AKT3: variants seen among roughly 807,000 people sequenced by gnomAD.
AKT3 encodes RAC-gamma serine/threonine-protein kinase.
A neutral mutation model predicts 65.3 loss-of-function variants in AKT3; 15 were observed. The observed-to-expected ratio is 0.23, with a 90% CI of 0.15 to 0.35. AKT3 has a LOEUF of 0.35. Among genes scored for constraint, AKT3 ranks in the 10% least tolerant of loss-of-function variants. AKT3 has a pLI of 1.00. For synonymous variants in AKT3, 206 were observed against 183.8 expected (o/e 1.12, Z -0.98); for missense variants, 243 against 576.5 (o/e 0.42, Z 5.92).
chr1:243,555,473 C>T (rs1011820898), intron 10 of AKT3, among the ~76,000 whole-genome samples: 18 of 152,108 alleles, frequency 1.2e-4, no homozygotes, highest in Non-Finnish European at 2.2e-4. Flanking sequence ...TTAACCAATT[C>T]GAATCCAATA....
intron 8 of AKT3, among the ~76,000 whole-genome samples, chr1:243,577,813 G>T (rs1574641161): frequency 6.6e-6 from 1 of 151,808 alleles, no homozygotes; most frequent in Admixed American, 6.6e-5. Context: ...AATATCCAGA[G>T]TCTACAAGGA....
chr1:243,660,287 T>C (rs1291631415), intron 4 of AKT3, among the ~76,000 whole-genome samples: 2 of 152,208 alleles, frequency 1.3e-5, no homozygotes, highest in Non-Finnish European at 2.9e-5. Flanking sequence ...TGTAGTATTC[T>C]CTGAGGGTAG....
At chr1:243,590,396 CAAG>C (rs1676141267) in intron 8 of AKT3, among the ~76,000 whole-genome samples, 2 of 150,682 alleles carry the variant, frequency 1.3e-5, no homozygotes, top group South Asian at 4.3e-4. Flanking sequence ...TCAATAAAGC[CAAG>C]AAGAAATAAA....
intron 13 of AKT3, among the ~76,000 whole-genome samples, chr1:243,490,757 C>T (rs1666210352): frequency 6.6e-6 from 1 of 152,202 alleles, no homozygotes. Flanking sequence ...TCAGGGAAGG[C>T]AGAGGCCTGC....
At chr1:243,842,611 G>A (rs1350077051) in intron 2 of AKT3, among the ~76,000 whole-genome samples, 1 of 152,072 alleles carries the variant, frequency 6.6e-6, no homozygotes, top group Non-Finnish European at 1.5e-5. Flanking sequence ...AAAAATCCTT[G>A]TCCTCATTTG....
At chr1:243,492,839 T>C (rs59326541) in intron 13 of AKT3, among the ~76,000 whole-genome samples, 2,093 of 152,148 alleles carry the variant, frequency 0.014, 47 homozygotes, top group African/African-American at 0.048. Context: ...ACTCCTGACC[T>C]CAGGTGATCT....
At chr1:243,707,118 T>A (rs1267271643) in intron 2 of AKT3, among the ~76,000 whole-genome samples, 8 of 152,178 alleles carry the variant, frequency 5.3e-5, no homozygotes, top group Non-Finnish European at 1.5e-5. Flanking sequence ...TATGTAAGCA[T>A]TTGTTAACTG....
Position 243,505,115 on chromosome 1 carries a change from G to T in AKT3, c.*134C>A. On this transcript the variant is annotated 3_prime_UTR_variant, in exon 14 of 14. Transcript: ENST00000673466. Reference sequence around the variant, plus strand: ...TTTCATGAGGGTGAAAGGTGGCGAGGGGTGAGGACCCTTGGCTGGTCTGGG... The same window carrying T: ...TTTCATGAGGGTGAAAGGTGGCGAGTGGTGAGGACCCTTGGCTGGTCTGGG... 1 of 704,432 alleles carries T rather than the reference G, an allele frequency of 1.4e-6. No homozygotes were observed. 43.6% of individuals were successfully genotyped at this position (704,432 alleles called of 1,614,324 possible). A position where few individuals can be genotyped will look rare whatever the true frequency, so the allele number is the denominator to read the frequency against.
At chr1:243,776,362 T>C (rs534706082) in intron 2 of AKT3, among the ~76,000 whole-genome samples, 122 of 152,254 alleles carry the variant, frequency 8.0e-4, no homozygotes, top group Admixed American at 2.4e-3. Flanking sequence ...AACCCCCTAG[T>C]GTGATATTTG....
chr1:243,679,051 G>A (rs1232098713), intron 3 of AKT3, among the ~76,000 whole-genome samples: 3 of 151,988 alleles, frequency 2.0e-5, no homozygotes, highest in Admixed American at 6.6e-5. Flanking sequence ...AAGACAATGA[G>A]GATGAAGACC....
At chr1:243,591,622 G>A (rs762263061) in intron 8 of AKT3, among the ~76,000 whole-genome samples, 2 of 151,468 alleles carry the variant, frequency 1.3e-5, no homozygotes, top group South Asian at 2.1e-4. Context: ...ATAATTACAC[G>A]AATACCATAA....
chr1:243,598,166 T>C (rs1269819637), intron 8 of AKT3, among the ~76,000 whole-genome samples: 2 of 152,144 alleles, frequency 1.3e-5, no homozygotes, highest in African/African-American at 2.4e-5. Flanking sequence ...TTCATAAATA[T>C]GTATTGCAAA....
chr1:243,739,486 C>CA (rs1343451619), intron 2 of AKT3: 3 of 152,108 alleles, frequency 2.0e-5, no homozygotes, highest in Non-Finnish European at 4.4e-5. Flanking sequence ...TCAAAATTAA[C>CA]AAAAATGTAA....
chr1:243,579,431 TA>T (rs1007734990), intron 8 of AKT3, among the ~76,000 whole-genome samples: 4 of 151,534 alleles, frequency 2.6e-5, no homozygotes, highest in African/African-American at 9.7e-5. Flanking sequence ...CTAAGAGATA[TA>T]AAAAAAGGAA....
chr1:243,676,399 G>A (rs1683514072), intron 3 of AKT3, among the ~76,000 whole-genome samples: 1 of 152,106 alleles, frequency 6.6e-6, no homozygotes, highest in African/African-American at 2.4e-5. Flanking sequence ...TCAATGAGTT[G>A]GTAAGGACTT....
chr1:243,710,863 A>C (rs183918340), intron 2 of AKT3, among the ~76,000 whole-genome samples: 1 of 152,354 alleles, frequency 6.6e-6, no homozygotes, highest in Non-Finnish European at 1.5e-5. Context: ...TTAAACCTCC[A>C]TGAGGAGAAG....
chr1:243,495,722 G>A (rs180861128), downstream of AKT3, among the ~76,000 whole-genome samples: 46 of 152,328 alleles, frequency 3.0e-4, no homozygotes, highest in African/African-American at 7.7e-4. Flanking sequence ...CTCGAAGGCC[G>A]CGTTTCCCCG....
At chr1:243,734,754 C>G (rs376282431) in intron 2 of AKT3, among the ~76,000 whole-genome samples, 2 of 152,174 alleles carry the variant, frequency 1.3e-5, no homozygotes, top group Non-Finnish European at 2.9e-5. Context: ...ATTCAGCTTA[C>G]TATAACTTTT....
intron 3 of AKT3, among the ~76,000 whole-genome samples, chr1:243,680,860 G>T (rs1683858607): frequency 6.6e-6 from 1 of 152,012 alleles, no homozygotes; most frequent in South Asian, 2.1e-4. Flanking sequence ...TCCCTAAATG[G>T]AATTATCCAA....
Sources: gnomAD v4.1 joint callset for allele counts (sites outside exome capture counted in the v4.1 genomes callset) on GRCh38, gnomAD v4.1.1 for gene constraint, MANE v1.5 for transcripts, NCBI Gene and HGNC (gene_info 2026-07-23, HGNC 2026-07-21) for gene names.